The following DISC1 variants were observed in gnomAD, a reference collection of about 807,000 sequenced individuals.
DISC1 encodes the protein disrupted in schizophrenia 1 protein.
In DISC1, 57 loss-of-function variants were observed where a neutral mutation model predicts 84.5. The ratio of observed to expected loss-of-function variants is 0.67; its 90% CI spans 0.55 to 0.84. The LOEUF (loss-of-function observed/expected upper bound fraction) is 0.84. DISC1 is among the 40% of genes least tolerant of loss of function. The probability of loss-of-function intolerance (pLI) is 0.00; values close to 1 mark genes in which losing one functional copy is unlikely to be tolerated. For synonymous variants in DISC1, 411 were observed against 415.2 expected (o/e 0.99, Z 0.12); for missense variants, 1,000 against 1,057.8 (o/e 0.95, Z 0.76).
At chr1:231,995,294 A>C (rs1665767235) in intron 10 of DISC1, among the ~76,000 whole-genome samples, 1 of 152,004 alleles carries the variant, frequency 6.6e-6, no homozygotes, top group Admixed American at 6.6e-5. Flanking sequence ...TTACACCATC[A>C]TATAAAAAGA....
intron 8 of DISC1, among the ~76,000 whole-genome samples, chr1:231,807,502 A>G (rs868740970): frequency 3.4e-4 from 52 of 152,208 alleles, no homozygotes; most frequent in African/African-American, 1.2e-3. Context: ...TTGTTTTTCA[A>G]AAAATGGACC....
At chr1:231,661,837 G>A (rs1460126891) in intron 1 of DISC1, among the ~76,000 whole-genome samples, 2 of 152,212 alleles carry the variant, frequency 1.3e-5, no homozygotes. Flanking sequence ...CTGGCTTTTT[G>A]AGTTTTCAGC....
At chr1:231,773,676 G>A (rs530534370) in intron 6 of DISC1, among the ~76,000 whole-genome samples, 46 of 152,230 alleles carry the variant, frequency 3.0e-4, no homozygotes, top group South Asian at 1.9e-3. Flanking sequence ...GAGCCACTGC[G>A]CCCAGCCAAT....
intron 6 of DISC1, among the ~76,000 whole-genome samples, chr1:231,781,616 C>T (rs753712108): frequency 3.9e-4 from 60 of 152,266 alleles, no homozygotes; most frequent in Non-Finnish European, 8.4e-4. Context: ...CTTTTAGTTT[C>T]CATTATTATC....
chr1:231,771,619 A>G lies in DISC1; in HGVS notation c.1634+549A>G, dbSNP rs2076555646. 18 of 983,792 alleles carry G rather than the reference A, an allele frequency of 1.8e-5. No homozygotes were observed. In the South Asian group the frequency reaches 7.1e-4, roughly 39 times the overall value. 60.9% of individuals were successfully genotyped at this position (983,792 alleles called of 1,614,324 possible). A position where few individuals can be genotyped will look rare whatever the true frequency, so the allele number is the denominator to read the frequency against. ...TGTTGTATTCATTTTACAGGTGAGG[A>G]AAAACGTTTAAGAAGGTTATAATTT... On this transcript the variant is annotated intron_variant, in intron 6 of 12. Transcript: ENST00000439617.
chr1:231,988,045 G>A (rs991686779), intron 10 of DISC1, among the ~76,000 whole-genome samples: 1 of 152,110 alleles, frequency 6.6e-6, no homozygotes, highest in Non-Finnish European at 1.5e-5. Context: ...AATTAGCCGG[G>A]TGTGGTGACG....
chr1:231,917,335 G>A (rs989488573), intron 9 of DISC1, among the ~76,000 whole-genome samples: 4 of 152,090 alleles, frequency 2.6e-5, no homozygotes, highest in African/African-American at 9.7e-5. Flanking sequence ...CATTCTCGCC[G>A]AATGCATTAT....
chr1:231,809,106 G>A (rs568971195), intron 8 of DISC1, among the ~76,000 whole-genome samples: 1 of 152,340 alleles, frequency 6.6e-6, no homozygotes, highest in African/African-American at 2.4e-5. Context: ...AAGCAATGGG[G>A]AAGCAGGGAG....
chr1:231,647,370 T>A (rs1042965571), intron 1 of DISC1, among the ~76,000 whole-genome samples: 1 of 152,150 alleles, frequency 6.6e-6, no homozygotes, highest in Non-Finnish European at 1.5e-5. Context: ...GATCAGATGG[T>A]TGTAGATGTG....
intron 1 of DISC1, chr1:231,670,691 T>A (rs1386141720): frequency 6.6e-6 from 1 of 152,244 alleles, no homozygotes; most frequent in Non-Finnish European, 1.5e-5. Flanking sequence ...AAGATTCCCA[T>A]GAAGAGGAAC....
At chr1:231,910,451 G>A (rs1294544681) in intron 9 of DISC1, among the ~76,000 whole-genome samples, 2 of 152,174 alleles carry the variant, frequency 1.3e-5, no homozygotes, top group Non-Finnish European at 2.9e-5. Flanking sequence ...TCATTCAGGG[G>A]CAGGTTGTTC....
intron 8 of DISC1, among the ~76,000 whole-genome samples, chr1:231,804,073 C>A (rs928625017): frequency 2.0e-5 from 3 of 151,496 alleles, no homozygotes; most frequent in African/African-American, 7.3e-5. Flanking sequence ...AGCCCACAGG[C>A]AAGGGGAAGG....
In DISC1 at chr1:232,039,055, C is replaced by T. The variant is rs1044899493; in HGVS notation, c.*2224C>T. Reference sequence around the variant, plus strand: ...GGCTTTATCTCGAGCAAAATACACTCTACATATTTTAATAATAAGTATAAT... The same window carrying T: ...GGCTTTATCTCGAGCAAAATACACTTTACATATTTTAATAATAAGTATAAT... On this transcript the variant is annotated 3_prime_UTR_variant, in exon 13 of 13. Transcript: ENST00000439617. The T allele has an allele frequency of 6.6e-6, 1 of 152,174 alleles. No homozygotes were observed. Among genetic ancestry groups the T allele is most frequent in the Non-Finnish European group, 1.5e-5 (1 of 68,044 alleles). 9.4% of individuals were successfully genotyped at this position (152,174 alleles called of 1,614,324 possible).
chr1:231,940,832 T>G (rs2091284895), intron 9 of DISC1: 1 of 152,268 alleles, frequency 6.6e-6, no homozygotes, highest in South Asian at 2.1e-4. Context: ...CATTTGCTGC[T>G]CCATGACGTT....
intron 1 of DISC1, among the ~76,000 whole-genome samples, chr1:231,656,220 C>T (rs571046194): frequency 6.6e-6 from 1 of 152,206 alleles, no homozygotes; most frequent in South Asian, 2.1e-4. Context: ...GGTTTCAAGT[C>T]TTAGATTTAA....
At chr1:231,786,794 C>T (rs377355147) in intron 6 of DISC1, among the ~76,000 whole-genome samples, 2 of 152,108 alleles carry the variant, frequency 1.3e-5, no homozygotes, top group Non-Finnish European at 1.5e-5. Flanking sequence ...AGCCTGTGCT[C>T]GACTACTGCT....
intron 9 of DISC1, among the ~76,000 whole-genome samples, chr1:231,929,760 A>C (rs1400785788): frequency 6.6e-6 from 1 of 152,246 alleles, no homozygotes; most frequent in East Asian, 1.9e-4. Context: ...ATAGGAAGAA[A>C]GAAACAAATG....
chr1:231,779,389 A>G (rs1171821099), intron 6 of DISC1, among the ~76,000 whole-genome samples: 1 of 152,156 alleles, frequency 6.6e-6, no homozygotes, highest in Non-Finnish European at 1.5e-5. Context: ...AGAGGGCCTA[A>G]TTGTAATACA....
chr1:231,776,964 C>A (rs199703922), intron 6 of DISC1, among the ~76,000 whole-genome samples: 2 of 152,178 alleles, frequency 1.3e-5, no homozygotes, highest in African/African-American at 2.4e-5. Context: ...AAACTGGAGT[C>A]ACGCACAGAC....
Sources: allele counts gnomAD v4.1 joint callset (sites outside exome capture counted in the v4.1 genomes callset), GRCh38; gene constraint gnomAD v4.1.1; transcripts MANE v1.5; gene names NCBI Gene and HGNC (gene_info 2026-07-23, HGNC 2026-07-21).